Variants in DLC1 observed in about 807,000 individuals in gnomAD.
The protein encoded by DLC1 is DLC1 Rho GTPase activating protein, also known as rho GTPase-activating protein 7.
In DLC1, 54 loss-of-function variants were observed where a neutral mutation model predicts 140.3. That is an observed-to-expected ratio of 0.38 (90% CI 0.31 to 0.48). DLC1 has a LOEUF of 0.48. DLC1 is among the 20% of genes least tolerant of loss of function. The probability of loss-of-function intolerance (pLI) is 0.96; values close to 1 mark genes in which losing one functional copy is unlikely to be tolerated. For synonymous variants in DLC1, 986 were observed against 728.1 expected, an observed-to-expected ratio of 1.35 and a Z score of -5.70; for missense variants, 2,536 against 1,907.0, an observed-to-expected ratio of 1.33 and a Z score of -6.14.
chr8:13,262,965 A>T (rs1830524424), intron 5 of DLC1, among the ~76,000 whole-genome samples: 1 of 152,212 alleles, frequency 6.6e-6, no homozygotes, highest in Non-Finnish European at 1.5e-5. Context: ...CTAAGACATG[A>T]TGGTTTGCTT....
At chr8:13,518,740 A>G (rs28615079), upstream of DLC1, among the ~76,000 whole-genome samples, 3,703 of 152,304 alleles carry the variant, frequency 0.024, 161 homozygotes, top group African/African-American at 0.085. Context: ...AAATTAATAT[A>G]TAAAGAGAAT....
intron 5 of DLC1, among the ~76,000 whole-genome samples, chr8:13,290,730 A>G (rs1255865062): frequency 6.6e-6 from 1 of 152,152 alleles, no homozygotes; most frequent in African/African-American, 2.4e-5. Flanking sequence ...CAAAGTAAAT[A>G]TGGACATCTG....
chr8:13,120,342 C>CAAAAAAAAAA lies in DLC1; in HGVS notation c.1349-4695_1349-4686dup, dbSNP rs1554577908. ...TGGATGACAGAAAGAGACTCCGTCG[C>CAAAAAAAAAA]AAAAAAAAAAAAAAATATATATATA... On this transcript the variant is annotated intron_variant, in intron 5 of 17. Coordinates refer to ENST00000276297, the MANE Select transcript of DLC1 (RefSeq NM_182643.3). Among the ~76,000 whole-genome samples the CAAAAAAAAAA allele has an allele frequency of 6.6e-4, 39 of 58,776 alleles. 1 individual carries two copies. Among genetic ancestry groups the CAAAAAAAAAA allele is most frequent in the Admixed American group, 1.8e-3 (8 of 4,426 alleles). The allele number at this position is 58,776 out of a possible 152,430, so 38.6% of individuals were successfully genotyped here.
At chr8:13,595,238 A>G (rs1017163860) in intron 1 of DLC1, among the ~76,000 whole-genome samples, 1 of 152,062 alleles carries the variant, frequency 6.6e-6, no homozygotes, top group Non-Finnish European at 1.5e-5. Flanking sequence ...AACAAAAATC[A>G]CAAGGATTTT....
intron 4 of DLC1, among the ~76,000 whole-genome samples, chr8:13,361,092 T>G (rs1173912519): frequency 6.6e-6 from 1 of 151,694 alleles, no homozygotes; most frequent in Non-Finnish European, 1.5e-5. Flanking sequence ...AGTAGCTGGG[T>G]GTGTTGGCAT....
intron 1 of DLC1, among the ~76,000 whole-genome samples, chr8:13,523,830 G>T (rs1802833570): frequency 6.6e-6 from 1 of 151,876 alleles, no homozygotes; most frequent in South Asian, 2.1e-4. Flanking sequence ...AAGAATAACA[G>T]TATATTTGCA....
intron 1 of DLC1, among the ~76,000 whole-genome samples, chr8:13,526,313 A>G (rs1299541291): frequency 1.3e-5 from 2 of 152,202 alleles, no homozygotes; most frequent in African/African-American, 4.8e-5. Flanking sequence ...GTAATTCTGC[A>G]TGAATTTAAG....
chr8:13,343,579 A>C (rs1834175141), intron 4 of DLC1, among the ~76,000 whole-genome samples: 1 of 152,194 alleles, frequency 6.6e-6, no homozygotes, highest in African/African-American at 2.4e-5. Context: ...TTTGTACAGC[A>C]GATATTGTTG....
intron 4 of DLC1, among the ~76,000 whole-genome samples, chr8:13,324,527 A>C (rs1206927953): frequency 7.0e-6 from 1 of 142,778 alleles, no homozygotes; most frequent in African/African-American, 2.6e-5. Flanking sequence ...AGATCGCGCC[A>C]CTGCACACTC....
chr8:13,567,644 A>C, intron 1 of DLC1: 13 of 1,551,704 alleles, frequency 8.4e-6, no homozygotes, highest in Non-Finnish European at 1.1e-5. Context: ...CTGAAACAAA[A>C]GAAGACTTTA....
intron 4 of DLC1, among the ~76,000 whole-genome samples, chr8:13,322,521 A>C (rs1488343158): frequency 6.6e-6 from 1 of 152,110 alleles, no homozygotes. Context: ...TGAGGATTTA[A>C]ACTGGGTATC....
At chr8:13,186,905 G>C (rs1309788028) in intron 5 of DLC1, among the ~76,000 whole-genome samples, 2 of 152,176 alleles carry the variant, frequency 1.3e-5, no homozygotes, top group African/African-American at 4.8e-5. Flanking sequence ...CTAATAGTCA[G>C]GTCCCTCAGC....
chr8:13,262,239 G>A (rs560727622), intron 5 of DLC1, among the ~76,000 whole-genome samples: 14 of 151,988 alleles, frequency 9.2e-5, no homozygotes, highest in Admixed American at 7.2e-4. Flanking sequence ...CTGAACTTAG[G>A]AGACTTAAAA....
At chr8:13,417,718 T>A (rs1838137604) in intron 2 of DLC1, among the ~76,000 whole-genome samples, 1 of 152,134 alleles carries the variant, frequency 6.6e-6, no homozygotes, top group Non-Finnish European at 1.5e-5. Context: ...TCCTTTGGGT[T>A]CATACCCAGT....
At chr8:13,343,565 C>G (rs144145869) in intron 4 of DLC1, among the ~76,000 whole-genome samples, 87 of 152,224 alleles carry the variant, frequency 5.7e-4, no homozygotes, top group African/African-American at 1.9e-3. Flanking sequence ...GATTTTTAAA[C>G]ATGTTTGTAC....
rs570510247 is a variant in DLC1, at chr8:13,524,987, C to G, written c.-125-24791G>C. On this transcript the variant is annotated intron_variant, in intron 1 of 1. Coordinates refer to the DLC1 transcript ENST00000631382. The stretch of plus-strand genomic sequence containing the variant: ...CCTCCTGCCTCTTTGCCATCTCTCC[C>G]TCTTGCTCCTTTCTCCCTTCTTCTG... Among the ~76,000 whole-genome samples, 4 of 152,130 alleles carry G rather than the reference C, an allele frequency of 2.6e-5. No homozygotes were observed. In the East Asian group the frequency reaches 7.7e-4, roughly 29 times the overall value.
intron 1 of DLC1, among the ~76,000 whole-genome samples, chr8:13,502,101 AG>A (rs1353342932): frequency 6.6e-6 from 1 of 152,206 alleles, no homozygotes; most frequent in Non-Finnish European, 1.5e-5. Flanking sequence ...TTAACTTTTT[AG>A]GCAAAAAGAA....
chr8:13,090,278 C>G lies in DLC1; in HGVS notation c.4048G>C (p.Glu1350Gln). The change falls in exon 15 of 18, where the codon GAG becomes CAG. Residue 1350 changes from glutamate (E) to glutamine (Q), a missense_variant. By Grantham distance (29) the Glu-to-Gln change is conservative (BLOSUM62 2). Transcript: ENST00000276297. Reference protein sequence around the residue: ...FKGWVSYSTSEQAELSYKKVS... With the variant: ...FKGWVSYSTSQQAELSYKKVS... Reference sequence around the variant, plus strand: ...TTCTTATAGGACAGCTCAGCCTGCTCCGAAGTGGAGTAGCTGACCCAGCCT... The same window carrying G: ...TTCTTATAGGACAGCTCAGCCTGCTGCGAAGTGGAGTAGCTGACCCAGCCT... 1.9e-6 allele frequency: 3 copies of G among 1,614,158 alleles called. No homozygotes were observed. Among genetic ancestry groups the G allele is most frequent in the Non-Finnish European group, 2.5e-6 (3 of 1,180,036 alleles).
chr8:13,503,782 T>C lies in DLC1; in HGVS notation c.-125-3586A>G, dbSNP rs75689333. 4.9e-3 allele frequency among the ~76,000 whole-genome samples: 747 copies of C among 152,290 alleles called. 21 individuals carry two copies. In the East Asian group the frequency reaches 0.072, roughly 15 times the overall value. ...TAAACCTGAATTGTATAGTCTACCT[T>C]TGCTACTGAAGCTTACCAATTTTGT... On this transcript the variant is annotated intron_variant, in intron 1 of 17. Coordinates refer to ENST00000276297, the MANE Select transcript of DLC1 (RefSeq NM_182643.3).
Sources: gnomAD v4.1 joint callset for allele counts (sites outside exome capture counted in the v4.1 genomes callset) on GRCh38, gnomAD v4.1.1 for gene constraint, MANE v1.5 for transcripts, NCBI Gene and HGNC (gene_info 2026-07-23, HGNC 2026-07-21) for gene names.